Variants in OSR1 observed in about 807,000 individuals in gnomAD.
OSR1 encodes protein odd-skipped-related 1.
Under a neutral mutation model 15.7 loss-of-function variants are expected in OSR1, and 3 were observed. The observed-to-expected ratio is 0.19, with a 90% confidence interval of 0.09 to 0.50. OSR1 has a LOEUF of 0.50. Among genes scored for constraint, OSR1 ranks in the 20% least tolerant of loss-of-function variants. The pLI, the probability that OSR1 is intolerant of heterozygous loss-of-function variation, is 0.97. For synonymous variants in OSR1, 166 were observed against 152.7 expected (o/e 1.09, Z -0.64); for missense variants, 271 against 351.1 (o/e 0.77, Z 1.82).
chr2:19,348,306 A>G (rs1340702763), downstream of OSR1: 1 of 150,482 alleles, frequency 6.6e-6, no homozygotes, highest in Non-Finnish European at 1.5e-5. Context: ...GCCTGGGCCG[A>G]TTCGCGGGGC....
downstream of OSR1, among the ~76,000 whole-genome samples, chr2:19,349,617 C>G (rs949645295): frequency 3.9e-5 from 6 of 152,312 alleles, no homozygotes; most frequent in African/African-American, 1.4e-4. Context: ...TGGCAAACCT[C>G]CCCATTTCAC....
chr2:19,355,856 A>T (rs1009851894), intron 1 of OSR1: 11 of 152,372 alleles, frequency 7.2e-5, no homozygotes, highest in African/African-American at 2.4e-4. Context: ...AAGGAGAAGT[A>T]AATTTCAAAT....
chr2:19,355,662 G>A (rs1453068575), intron 1 of OSR1: 1 of 152,276 alleles, frequency 6.6e-6, no homozygotes, highest in Non-Finnish European at 1.5e-5. Context: ...TTAGCACTCG[G>A]ATAAAAACCG....
the OSR1 span, among the ~76,000 whole-genome samples, chr2:19,345,193 C>T: frequency 6.6e-6 from 1 of 152,170 alleles, no homozygotes; most frequent in Non-Finnish European, 1.5e-5. Context: ...ATTAAAGATT[C>T]TGGATATTAG....
At chr2:19,348,797 CTGA>C (rs1319104989), downstream of OSR1, among the ~76,000 whole-genome samples, 1 of 152,212 alleles carries the variant, frequency 6.6e-6, no homozygotes, top group Non-Finnish European at 1.5e-5. Context: ...CTGGAAGCAC[CTGA>C]TATCTTACCG....
downstream of OSR1, among the ~76,000 whole-genome samples, chr2:19,350,968 G>A (rs1664827586): frequency 6.6e-6 from 1 of 152,152 alleles, no homozygotes; most frequent in African/African-American, 2.4e-5. Context: ...CGGTCATTGT[G>A]TATTTGCACC....
At chr2:19,345,051 T>C in the OSR1 span, among the ~76,000 whole-genome samples, 2 of 152,090 alleles carry the variant, frequency 1.3e-5, no homozygotes, top group East Asian at 1.9e-4. Flanking sequence ...ATAATTTTTG[T>C]ATATATGTAT....
chr2:19,352,968 C>A (rs150320413), intron 2 of OSR1, among the ~76,000 whole-genome samples, 173 bp downstream of exon 2: 8 of 152,228 alleles, frequency 5.3e-5, no homozygotes, highest in African/African-American at 1.9e-4. Flanking sequence ...TTTCCTGAAC[C>A]CATGCTCCAA....
chr2:19,345,182 C>T, the OSR1 span, among the ~76,000 whole-genome samples: 6 of 152,106 alleles, frequency 3.9e-5, no homozygotes, highest in African/African-American at 1.4e-4. Flanking sequence ...GAAATCAAGA[C>T]ATTAAAGATT....
chr2:19,354,389 TCA>T (rs5829692), intron 1 of OSR1: 17,837 of 146,028 alleles, frequency 0.12, 1,111 homozygotes, highest in South Asian at 0.18. Flanking sequence ...CCCCTGAATC[TCA>T]CACACACACA....
downstream of OSR1, chr2:19,348,596 G>A (rs1664780335): frequency 2.6e-5 from 4 of 154,288 alleles, no homozygotes; most frequent in African/African-American, 9.6e-5. Flanking sequence ...GGGAGCTGAG[G>A]TCACGTCAGG....
At chr2:19,348,119 G>A (rs541502145), downstream of OSR1, among the ~76,000 whole-genome samples, 1 of 152,218 alleles carries the variant, frequency 6.6e-6, no homozygotes, top group African/African-American at 2.4e-5. Context: ...GCGCAGAAGT[G>A]GGTGGGATGA....
chr2:19,351,162 G>A (rs45558741), downstream of OSR1, among the ~76,000 whole-genome samples: 6,959 of 152,262 alleles, frequency 0.046, 198 homozygotes, highest in Non-Finnish European at 0.066. Context: ...AGCACCCAGA[G>A]ACTCTGGGAT....
downstream of OSR1, chr2:19,348,446 T>A (rs1451308555): frequency 6.5e-6 from 1 of 154,342 alleles, no homozygotes; most frequent in Non-Finnish European, 1.5e-5. Flanking sequence ...CCGAGGCCTC[T>A]GTGACGTCAC....
In OSR1 at chr2:19,351,987, T is replaced by G. The variant is rs1300793012; in HGVS notation, c.*288A>C. 3.1e-6 allele frequency: 1 copy of G among 327,202 alleles called. No individual in the cohort carries two copies. The highest frequency in any genetic ancestry group is 5.6e-6 in the Non-Finnish European group (1 of 179,902). 20.3% of individuals were successfully genotyped at this position (327,202 alleles called of 1,614,324 possible). On this transcript the variant is annotated 3_prime_UTR_variant, in exon 3 of 3. Transcript: ENST00000272223. ...CTTCTGGGAGAGGCGCCGCTGCGGC[T>G]CCGCGGAGCTTTCGTTCTTTTTTTA...
At chr2:19,346,321 T>C in the OSR1 span, among the ~76,000 whole-genome samples, 1 of 152,204 alleles carries the variant, frequency 6.6e-6, no homozygotes, top group Admixed American at 6.5e-5. Flanking sequence ...GAGCTGGAAC[T>C]AGACTTAGCC....
In OSR1 at chr2:19,357,117, G is replaced by A. The variant is rs971680741; in HGVS notation, c.-33+1224C>T. 2.2e-4 allele frequency among the ~76,000 whole-genome samples: 34 copies of A among 152,256 alleles called. No homozygotes were observed. The highest frequency in any genetic ancestry group is 3.4e-3 in the Middle Eastern group (1 of 294). ...ATCTAACGAACCCATTGGCAAGGCGGTCATCCGGCTGCACTTAAATGTCCG... is the reference window on the plus strand; with the variant it reads ...ATCTAACGAACCCATTGGCAAGGCGATCATCCGGCTGCACTTAAATGTCCG... On this transcript the variant is annotated intron_variant, in intron 1 of 2. Coordinates refer to ENST00000272223, the MANE Select transcript of OSR1 (RefSeq NM_145260.3). The surrounding 1 kb of genome is among the most constrained non-coding windows in gnomAD (Gnocchi z 5.0).
chr2:19,356,329 T>G (rs1234884001), intron 1 of OSR1: 1 of 152,238 alleles, frequency 6.6e-6, no homozygotes, highest in South Asian at 2.1e-4. Context: ...GATCTTGTTT[T>G]CCCCAACACT....
At chr2:19,346,180 T>C in the OSR1 span, among the ~76,000 whole-genome samples, 2 of 152,366 alleles carry the variant, frequency 1.3e-5, no homozygotes, top group Admixed American at 6.5e-5. Flanking sequence ...TAATTACGCT[T>C]TATACATCCC....
Sources: allele counts gnomAD v4.1 joint callset (sites outside exome capture counted in the v4.1 genomes callset), GRCh38; gene constraint gnomAD v4.1.1; non-coding constraint Gnocchi (gnomAD v3.1); transcripts MANE v1.5; gene names NCBI Gene and HGNC (gene_info 2026-07-23, HGNC 2026-07-21).